Variants in ST8SIA5 observed in about 807,000 individuals in gnomAD.
ST8SIA5 encodes the protein alpha-2,8-sialyltransferase 8E.
A neutral mutation model predicts 40.2 loss-of-function variants in ST8SIA5; 24 were observed. That is an observed-to-expected ratio of 0.60 (90% CI 0.43 to 0.84). The LOEUF (loss-of-function observed/expected upper bound fraction) is 0.84, where lower values mean the gene tolerates loss of function less well. Ranked by LOEUF, ST8SIA5 falls within the 40% of genes least tolerant of loss-of-function variation. ST8SIA5 has a pLI of 0.00. For synonymous variants in ST8SIA5, 198 were observed against 201.8 expected, an observed-to-expected ratio of 0.98 and a Z score of 0.16; for missense variants, 465 against 498.5, an observed-to-expected ratio of 0.93 and a Z score of 0.64.
chr18:46,730,370 G>T, intron 1 of ST8SIA5: 1 of 507,988 alleles, frequency 2.0e-6, no homozygotes, highest in Non-Finnish European at 2.5e-6. Context: ...GTCTACAAAA[G>T]CAGACATATA....
At chr18:46,753,590 A>T (rs1447279962) in intron 1 of ST8SIA5, among the ~76,000 whole-genome samples, 1 of 151,760 alleles carries the variant, frequency 6.6e-6, no homozygotes, top group East Asian at 1.9e-4. Flanking sequence ...AAAAAAAAAG[A>T]AAGAAAAAGA....
chr18:46,736,322 A>G (rs1186290959), intron 1 of ST8SIA5, among the ~76,000 whole-genome samples: 1 of 152,196 alleles, frequency 6.6e-6, no homozygotes, highest in Non-Finnish European at 1.5e-5. Flanking sequence ...TGCTTTCTGC[A>G]TGAATGATGA....
chr18:46,684,406 A>T (rs1288024301), intron 5 of ST8SIA5, among the ~76,000 whole-genome samples: 1 of 152,254 alleles, frequency 6.6e-6, no homozygotes. Context: ...AATAAAACTT[A>T]GTATGTGTCC....
intron 1 of ST8SIA5, among the ~76,000 whole-genome samples, chr18:46,742,711 G>A (rs1005227432): frequency 6.6e-6 from 1 of 152,220 alleles, no homozygotes; most frequent in African/African-American, 2.4e-5. Flanking sequence ...GAGAGCAGTG[G>A]TTCTCCCAGC....
At chr18:46,725,972 AATATATATATATATATATAT>A (rs1555696955) in intron 1 of ST8SIA5, among the ~76,000 whole-genome samples, 1 of 29,096 alleles carries the variant, frequency 3.4e-5, no homozygotes. Context: ...AAAAAAAAAA[AATATATATATATATATATAT>A]ATATATATAT....
intron 1 of ST8SIA5, among the ~76,000 whole-genome samples, chr18:46,742,097 T>C (rs998911851): frequency 2.0e-5 from 3 of 149,658 alleles, no homozygotes; most frequent in Non-Finnish European, 4.4e-5. Context: ...CGACGCTCCA[T>C]GTAAAAAATA....
At chr18:46,699,387 T>C (rs1227538577) in intron 2 of ST8SIA5, among the ~76,000 whole-genome samples, 1 of 151,976 alleles carries the variant, frequency 6.6e-6, no homozygotes, top group Non-Finnish European at 1.5e-5. Context: ...TCTTTTTTTT[T>C]CTTTTTTTTT....
chr18:46,716,125 T>C (rs1034208269), intron 1 of ST8SIA5, among the ~76,000 whole-genome samples: 1 of 143,970 alleles, frequency 6.9e-6, no homozygotes, highest in Non-Finnish European at 1.5e-5. Flanking sequence ...GATAGATAGA[T>C]AGATAGATAG....
At chr18:46,737,666 C>T (rs921693512) in intron 1 of ST8SIA5, among the ~76,000 whole-genome samples, 10 of 152,088 alleles carry the variant, frequency 6.6e-5, no homozygotes, top group African/African-American at 2.4e-4. Flanking sequence ...ATGAGGAAGA[C>T]TATGTATTTA....
chr18:46,734,970 A>C (rs1371901732), intron 1 of ST8SIA5, among the ~76,000 whole-genome samples: 1 of 152,208 alleles, frequency 6.6e-6, no homozygotes, highest in Non-Finnish European at 1.5e-5. Context: ...CATTTCAGTC[A>C]GTGGACTGGG....
intron 1 of ST8SIA5, among the ~76,000 whole-genome samples, chr18:46,735,774 G>C (rs2040027860): frequency 6.7e-6 from 1 of 150,210 alleles, no homozygotes; most frequent in South Asian, 2.1e-4. Flanking sequence ...CACCACACCT[G>C]GATAATTTTT....
rs11268051 is a variant in ST8SIA5 at position 46,729,392 on chromosome 18, T to TTGAGGTTCCAGAACTATGCGATCC, written c.132-24729_132-24728insGGATCGCATAGTTCTGGAACCTCA. ...GGAAAGGGGGCCAGGGGTGGGTGCC[T>TTGAGGTTCCAGAACTATGCGATCC]TGAACTCCACCCTCCCCAGAGGTCT... is the stretch of plus-strand genomic sequence containing the variant. On this transcript the variant is annotated intron_variant, in intron 1 of 6. Transcript: ENST00000315087. Among the ~76,000 whole-genome samples, 363 of 151,998 alleles carry TTGAGGTTCCAGAACTATGCGATCC rather than the reference T, an allele frequency of 2.4e-3. 10 individuals are homozygous for TTGAGGTTCCAGAACTATGCGATCC. In the East Asian group the frequency reaches 0.062, roughly 26 times the overall value.
At chr18:46,727,728 A>C (rs1414820250) in intron 1 of ST8SIA5, among the ~76,000 whole-genome samples, 1 of 152,152 alleles carries the variant, frequency 6.6e-6, no homozygotes, top group Non-Finnish European at 1.5e-5. Context: ...TATTGTGAAG[A>C]GCAGAGAAAG....
intron 1 of ST8SIA5, among the ~76,000 whole-genome samples, chr18:46,748,744 A>G (rs1399028005): frequency 6.6e-6 from 1 of 152,020 alleles, no homozygotes; most frequent in Admixed American, 6.5e-5. Flanking sequence ...AAAAGATAAT[A>G]AAAGTGTTAT....
At chr18:46,709,847 T>C (rs1052477867) in intron 1 of ST8SIA5, among the ~76,000 whole-genome samples, 1 of 152,118 alleles carries the variant, frequency 6.6e-6, no homozygotes, top group African/African-American at 2.4e-5. Context: ...TGCAATGGGG[T>C]TATGATTCTT....
At chr18:46,714,709 C>G (rs1464577387) in intron 1 of ST8SIA5, among the ~76,000 whole-genome samples, 1 of 152,190 alleles carries the variant, frequency 6.6e-6, no homozygotes, top group Admixed American at 6.5e-5. Flanking sequence ...CTCACTCCAC[C>G]TCCACGGAGC....
chr18:46,688,125 C>T (rs760589348), intron 4 of ST8SIA5, among the ~76,000 whole-genome samples: 15 of 152,204 alleles, frequency 9.9e-5, no homozygotes, highest in Non-Finnish European at 1.6e-4. Context: ...GTCTGCGGCT[C>T]ATTCATTTTG....
chr18:46,727,759 G>T (rs190236829), intron 1 of ST8SIA5, among the ~76,000 whole-genome samples: 5 of 152,092 alleles, frequency 3.3e-5, no homozygotes, highest in Admixed American at 6.5e-5. Flanking sequence ...CAAGCCCGGC[G>T]TCAGGGCCCA....
Position 46,682,025 on chromosome 18 carries a change from A to G in ST8SIA5, c.609T>C (p.Asp203=), listed in dbSNP as rs2144460372. Residue 203 remains aspartate (D), a synonymous_variant, in exon 6 of 7, where the codon GAT becomes GAC. Coordinates refer to ENST00000315087, the MANE Select transcript of ST8SIA5 (RefSeq NM_013305.6). ...TGACCACATCCGTCTTCACCCCCAC[A>G]TCCATGGTGTACTTCTCTGAGATGG... The part of the protein sequence containing the change: ...LPPISEKYTM[D]VGVKTDVVTV... 1 of 1,612,916 alleles carries G rather than the reference A, an allele frequency of 6.2e-7. No individual in the cohort carries two copies. The highest frequency in any genetic ancestry group is 8.5e-7 in the Non-Finnish European group (1 of 1,179,690).
Sources: allele counts gnomAD v4.1 joint callset (sites outside exome capture counted in the v4.1 genomes callset), GRCh38; gene constraint gnomAD v4.1.1; transcripts MANE v1.5; gene names NCBI Gene and HGNC (gene_info 2026-07-23, HGNC 2026-07-21).